Variants in RBM7 observed in about 807,000 individuals in gnomAD.
RBM7 encodes RNA-binding protein 7.
Under a neutral mutation model 31.0 loss-of-function variants are expected in RBM7, and 13 were observed. The observed-to-expected ratio is 0.42, with a 90% CI of 0.27 to 0.67. The LOEUF is 0.67. Ranked by LOEUF, RBM7 falls within the 30% of genes least tolerant of loss-of-function variation. RBM7 has a pLI of 0.24. For synonymous variants in RBM7, 106 were observed against 111.2 expected (o/e 0.95, Z 0.30); for missense variants, 245 against 326.2 (o/e 0.75, Z 1.92).
rs1187513951 is a variant in RBM7 at position 114,408,518 on chromosome 11, A to G, written c.*711A>G. ...AGCATAAATCCCCTTTTCAGGAAGA[A>G]CAAAAATGTCAGTGCATAGTTAGAT... On this transcript the variant is annotated 3_prime_UTR_variant, in exon 5 of 5. Transcript: ENST00000375490. 1 of 152,768 alleles carries G rather than the reference A, an allele frequency of 6.5e-6. No homozygotes were observed. Among genetic ancestry groups the G allele is most frequent in the East Asian group, 1.9e-4 (1 of 5,328 alleles). 9.5% of individuals were successfully genotyped at this position (152,768 alleles called of 1,614,324 possible). A position where few individuals can be genotyped will look rare whatever the true frequency, so the allele number is the denominator to read the frequency against.
intron 3 of RBM7, among the ~76,000 whole-genome samples, chr11:114,405,456 G>GCAGT: frequency 6.6e-6 from 1 of 152,236 alleles, no homozygotes; most frequent in East Asian, 1.9e-4. Flanking sequence ...TTTTAGAAAG[G>GCAGT]CAGTCGCTCA....
At position 114,410,484 on chromosome 11, in the gene RBM7, T is replaced by A. The variant is rs991893517; in HGVS notation, c.*2677T>A. On this transcript the variant is annotated 3_prime_UTR_variant, in exon 5 of 5. Transcript: ENST00000375490. The stretch of plus-strand genomic sequence containing the variant: ...AGAGTAGGCAATTTTCTCAAGAGGA[T>A]TATTCCAAGAACACCCTAATGTTTT... 2 of 152,212 alleles carry A rather than the reference T, an allele frequency of 1.3e-5. No homozygotes were observed. The highest frequency in any genetic ancestry group is 2.9e-5 in the Non-Finnish European group (2 of 68,034). 9.4% of individuals were successfully genotyped at this position (152,212 alleles called of 1,614,324 possible).
chr11:114,404,286 A>G (rs1043716113), intron 3 of RBM7, among the ~76,000 whole-genome samples: 4 of 152,178 alleles, frequency 2.6e-5, no homozygotes, highest in African/African-American at 9.7e-5. Context: ...GATGAGGTTG[A>G]TAGTTTAGAT....
At chr11:114,404,755 T>C (rs1946243961) in intron 3 of RBM7, among the ~76,000 whole-genome samples, 1 of 152,100 alleles carries the variant, frequency 6.6e-6, no homozygotes, top group South Asian at 2.1e-4. Context: ...ATAATTTTTA[T>C]ACTATAAACT....
Position 114,410,429 on chromosome 11 carries a change from C to T in RBM7, c.*2622C>T, listed in dbSNP as rs1946321913. On this transcript the variant is annotated 3_prime_UTR_variant, in exon 5 of 5. Coordinates refer to ENST00000375490, the MANE Select transcript of RBM7 (RefSeq NM_001286045.2). ...ACTTTCTAATTATGTTGTGTGTGCC[C>T]ACTTTCCCCATACCTACTGCTACCA... is the stretch of plus-strand genomic sequence containing the variant. The T allele has an allele frequency of 6.6e-6, 1 of 152,088 alleles. No individual in the cohort carries two copies. The highest frequency in any genetic ancestry group is 2.4e-5 in the African/African-American group (1 of 41,394). 9.4% of individuals were successfully genotyped at this position (152,088 alleles called of 1,614,324 possible). A position where few individuals can be genotyped will look rare whatever the true frequency, so the allele number is the denominator to read the frequency against.
intron 3 of RBM7, among the ~76,000 whole-genome samples, chr11:114,403,811 A>G (rs933476563): frequency 6.6e-6 from 1 of 152,202 alleles, no homozygotes; most frequent in Non-Finnish European, 1.5e-5. Flanking sequence ...AGTGTGATTG[A>G]GCCCAGCCAC....
At position 114,409,161 on chromosome 11, in the gene RBM7, A is replaced by C. The variant is rs80217394; in HGVS notation, c.*1354A>C. The C allele has an allele frequency of 7.9e-4, 121 of 152,298 alleles. No individual in the cohort carries two copies. Among genetic ancestry groups the C allele is most frequent in the African/African-American group, 2.6e-3 (108 of 41,564 alleles). 9.4% of individuals were successfully genotyped at this position (152,298 alleles called of 1,614,324 possible). The stretch of plus-strand genomic sequence containing the variant: ...GGTCTCTAGGAGTTAAAGTACACTT[A>C]GATTTCCTGTTTATAAATGAATTCA... On this transcript the variant is annotated 3_prime_UTR_variant, in exon 5 of 5. Transcript: ENST00000375490.
At chr11:114,405,631 A>G in intron 3 of RBM7, 75 bp from the exon 4 acceptor site, 2 of 1,014,956 alleles carry the variant, frequency 2.0e-6, no homozygotes, top group South Asian at 3.5e-5. Flanking sequence ...GACCTTTGAG[A>G]AATGTGTTCT....
chr11:114,407,551 A>T lies in RBM7; in HGVS notation c.548A>T (p.Asn183Ile). The T allele has an allele frequency of 6.2e-7, 1 of 1,614,200 alleles. No individual in the cohort carries two copies. The highest frequency in any genetic ancestry group is 8.5e-7 in the Non-Finnish European group (1 of 1,180,042). Residue 183 changes from asparagine to isoleucine, a missense_variant, in exon 5 of 5, where the codon AAT becomes ATT. Asn to Ile is a moderately radical substitution (Grantham distance 149). Coordinates refer to ENST00000375490, the MANE Select transcript of RBM7 (RefSeq NM_001286045.2). ...GTTCAATCACACAGTCATAGTTTCA[A>T]TCAGTCTTCAAGCTCCCAGTGGCGC... The part of the protein sequence containing the change: ...PSVQSHSHSF[N>I]QSSSSQWRQG...
At position 114,410,019 on chromosome 11, in the gene RBM7, C is replaced by G. The variant is rs13725; in HGVS notation, c.*2212C>G. The G allele has an allele frequency of 0.63, 95,866 of 152,004 alleles. 32,145 individuals carry two copies. The highest frequency in any genetic ancestry group is 0.88 in the African/African-American group (36,412 of 41,480). The allele number at this position is 152,004 out of a possible 1,614,324, so 9.4% of individuals were successfully genotyped here. On this transcript the variant is annotated 3_prime_UTR_variant, in exon 5 of 5. Coordinates refer to ENST00000375490, the MANE Select transcript of RBM7 (RefSeq NM_001286045.2). ...TGAGCATCCCAGGTCCGGAAATCCACAGTGCTCCAATGAGCCTTTCCCCTG... is the reference window on the plus strand; with the variant it reads ...TGAGCATCCCAGGTCCGGAAATCCAGAGTGCTCCAATGAGCCTTTCCCCTG...
At position 114,405,767 on chromosome 11, in the gene RBM7, T is replaced by C; in HGVS notation, c.409T>C (p.Ser137Pro). The change falls in exon 4 of 5, where the codon TCT becomes CCT. Residue 137 changes from serine to proline, a missense_variant. Ser to Pro is a moderately conservative substitution (Grantham distance 74). Transcript: ENST00000375490. ...AGCACAGATAATTCAGAGATCTTTC[T>C]CTTCTCCAGAAAATTTTCAGAGACA... The part of the protein sequence containing the change: ...SSAQIIQRSF[S>P]SPENFQRQAV... 6.2e-7 allele frequency: 1 copy of C among 1,607,282 alleles called. No homozygotes were observed. The highest frequency in any genetic ancestry group is 8.5e-7 in the Non-Finnish European group (1 of 1,176,784).
intron 3 of RBM7, among the ~76,000 whole-genome samples, chr11:114,403,344 A>G (rs372997187): frequency 6.6e-6 from 1 of 152,206 alleles, no homozygotes; most frequent in African/African-American, 2.4e-5. Context: ...TCAACAGTCT[A>G]TTGGACTAAG....
chr11:114,407,902 C>T lies in RBM7; in HGVS notation c.*95C>T. ...TTTGTTGAAAAACTGTACAGAGCAG[C>T]TTTACAAGTTGTCACATTTCTTTAT... is the stretch of plus-strand genomic sequence containing the variant. On this transcript the variant is annotated 3_prime_UTR_variant, in exon 5 of 5. Transcript: ENST00000375490. 3 of 1,342,644 alleles carry T rather than the reference C, an allele frequency of 2.2e-6. No individual in the cohort carries two copies. The highest frequency in any genetic ancestry group is 3.0e-6 in the Non-Finnish European group (3 of 1,010,178). 83.2% of individuals were successfully genotyped at this position (1,342,644 alleles called of 1,614,324 possible).
At chr11:114,402,562 C>G (rs985781032) in intron 2 of RBM7, among the ~76,000 whole-genome samples, 17 of 151,614 alleles carry the variant, frequency 1.1e-4, no homozygotes, top group Non-Finnish European at 2.2e-4. Context: ...CGCCACCACG[C>G]CTGGCTAATT....
Position 114,408,625 on chromosome 11 carries a change from A to G in RBM7, c.*818A>G, listed in dbSNP as rs1454991903. The G allele has an allele frequency of 2.6e-5, 4 of 152,622 alleles. No individual in the cohort carries two copies. Among genetic ancestry groups the G allele is most frequent in the African/African-American group, 9.6e-5 (4 of 41,452 alleles). 9.5% of individuals were successfully genotyped at this position (152,622 alleles called of 1,614,324 possible). A position where few individuals can be genotyped will look rare whatever the true frequency, so the allele number is the denominator to read the frequency against. ...CCTTTAAGTGCTGCTTCTGTCAGTC[A>G]AACGTTAAAAACTTTAACATTTTCA... On this transcript the variant is annotated 3_prime_UTR_variant, in exon 5 of 5. Coordinates refer to ENST00000375490, the MANE Select transcript of RBM7 (RefSeq NM_001286045.2).
intron 3 of RBM7, 46 bp downstream of exon 3, chr11:114,402,961 A>T (rs1398135519): frequency 2.8e-6 from 4 of 1,440,466 alleles, no homozygotes; most frequent in Non-Finnish European, 3.9e-6. Flanking sequence ...AGGAATTCTT[A>T]TAGGGAATAG....
At chr11:114,407,410 GA>G in intron 4 of RBM7, 34 bp from the exon 5 acceptor site, 1 of 1,570,460 alleles carries the variant, frequency 6.4e-7, no homozygotes, top group Non-Finnish European at 8.6e-7. Flanking sequence ...TTGATATCTA[GA>G]AGTATTAACA....
In RBM7 at chr11:114,402,904, A is replaced by T. The variant is rs777535187; in HGVS notation, c.336A>T (p.Thr112=). Residue 112 remains threonine (T), a synonymous_variant, in exon 3 of 5, where the codon ACA becomes ACT. Transcript: ENST00000375490. The part of the protein sequence containing the change: ...HHVGNSSPTS[T]SPSSRYERTM... ...TTGGAAATTCAAGCCCTACCTCCAC[A>T]TCTCCTAGCAGGTAATATTTCTCAC... is the stretch of plus-strand genomic sequence containing the variant. 6.2e-7 allele frequency: 1 copy of T among 1,605,946 alleles called. No individual in the cohort carries two copies. The highest frequency in any genetic ancestry group is 1.1e-5 in the South Asian group (1 of 90,886).
At position 114,405,779 on chromosome 11, in the gene RBM7, A is replaced by C. The variant is rs1158677590; in HGVS notation, c.421A>C (p.Asn141His). The change falls in exon 4 of 5, where the codon AAT (asparagine) becomes CAT (histidine). Residue 141 changes from asparagine to histidine, a missense_variant. Physicochemically the swap from Asn to His is moderately conservative, Grantham distance 68. Transcript: ENST00000375490. ...IIQRSFSSPE[N>H]FQRQAVMNSA... ...TCAGAGATCTTTCTCTTCTCCAGAAAATTTTCAGAGACAAGCAGTGGTAGG... is the reference window on the plus strand; with the variant it reads ...TCAGAGATCTTTCTCTTCTCCAGAACATTTTCAGAGACAAGCAGTGGTAGG... 3 of 1,602,754 alleles carry C rather than the reference A, an allele frequency of 1.9e-6. No homozygotes were observed. Among genetic ancestry groups the C allele is most frequent in the Non-Finnish European group, 2.6e-6 (3 of 1,172,950 alleles).
Sources: gnomAD v4.1 joint callset for allele counts (sites outside exome capture counted in the v4.1 genomes callset) on GRCh38, gnomAD v4.1.1 for gene constraint, MANE v1.5 for transcripts, NCBI Gene and HGNC (gene_info 2026-07-23, HGNC 2026-07-21) for gene names.